PSMA2: variants seen among roughly 807,000 people sequenced by gnomAD.
PSMA2 encodes the protein proteasome subunit alpha type-2.
In PSMA2, 2 loss-of-function variants were observed where a neutral mutation model predicts 35.9. That is an observed-to-expected ratio of 0.06 (90% CI 0.02 to 0.18). The LOEUF is 0.18. Ranked by LOEUF, PSMA2 falls within the 10% of genes least tolerant of loss-of-function variation. The pLI is 1.00. For missense variants in PSMA2, 126 were observed against 278.8 expected, an observed-to-expected ratio of 0.45 and a Z score of 3.90; for synonymous variants, 97 against 98.2, an observed-to-expected ratio of 0.99 and a Z score of 0.07.
chr7:42,918,057 A>T, intron 6 of PSMA2: 1 of 284,552 alleles, frequency 3.5e-6, no homozygotes, highest in Non-Finnish European at 6.2e-6. Flanking sequence ...CCCTAAAATG[A>T]GTTTAGTTTA....
At chr7:42,922,066 G>A (rs972090284) in intron 5 of PSMA2, 135 bp from the exon 6 acceptor site, 16 of 673,950 alleles carry the variant, frequency 2.4e-5, no homozygotes, top group East Asian at 5.5e-5. Flanking sequence ...AATGGAAAAC[G>A]TCACAGAATA....
At chr7:42,921,611 C>T (rs1330721310) in intron 6 of PSMA2, 5 of 329,226 alleles carry the variant, frequency 1.5e-5, no homozygotes, top group Non-Finnish European at 2.2e-5. Flanking sequence ...GTAAAAAAAC[C>T]AAAAGCATTT....
chr7:42,923,659 G>A (rs375691591), intron 4 of PSMA2, among the ~76,000 whole-genome samples: 224 of 152,344 alleles, frequency 1.5e-3, no homozygotes, highest in African/African-American at 5.1e-3. Context: ...GGGTTAATAA[G>A]TGTGTAGTAA....
rs370136472 is a variant in PSMA2, at chr7:42,932,164, C to T, written c.-6G>A. ...CTGTACCCGCGCTCCGCCATCTTTA[C>T]CCGAAGAGCCAAAGCACAGCCGCAC... On this transcript the variant is annotated 5_prime_UTR_variant, in exon 1 of 8. Coordinates refer to ENST00000223321, the MANE Select transcript of PSMA2 (RefSeq NM_002787.5). 3.1e-6 allele frequency: 5 copies of T among 1,614,152 alleles called. No homozygotes were observed. The highest frequency in any genetic ancestry group is 3.4e-6 in the Non-Finnish European group (4 of 1,180,050).
In PSMA2 at chr7:42,927,519, A is replaced by T. The variant is rs927987746; in HGVS notation, c.42-60T>A. The T allele has an allele frequency of 6.0e-6, 9 of 1,496,856 alleles. No individual in the cohort carries two copies. In the African/African-American group the frequency reaches 1.2e-4, roughly 21 times the overall value. The allele number at this position is 1,496,856 out of a possible 1,614,324, so 92.7% of individuals were successfully genotyped here. A position where few individuals can be genotyped will look rare whatever the true frequency, so the allele number is the denominator to read the frequency against. On this transcript the variant is annotated intron_variant, in intron 1 of 7. Coordinates refer to ENST00000223321, the MANE Select transcript of PSMA2 (RefSeq NM_002787.5). ...ATCATCAAATATTTATTGTAAGAAC[A>T]TCTCTGAGATAGTACAGACATACAG...
chr7:42,917,459 T>TC lies in PSMA2; in HGVS notation c.*114dup, dbSNP rs1786049522. 5 of 759,896 alleles carry TC rather than the reference T, an allele frequency of 6.6e-6. No individual in the cohort carries two copies. The highest frequency in any genetic ancestry group is 6.5e-6 in the Non-Finnish European group (3 of 464,108). 47.1% of individuals were successfully genotyped at this position (759,896 alleles called of 1,614,324 possible). On this transcript the variant is annotated 3_prime_UTR_variant, in exon 8 of 8. Transcript: ENST00000223321. ...TTTATAAGTGTCATTTTAAAAACAG[T>TC]CGATTTAAACCATGTAGAAATAAGT...
intron 6 of PSMA2, 156 bp downstream of exon 6, chr7:42,921,702 T>A (rs1352456327): frequency 4.4e-6 from 2 of 459,496 alleles, no homozygotes; most frequent in Non-Finnish European, 7.7e-6. Flanking sequence ...TCTAGGAAAC[T>A]AGAAGGGAGA....
chr7:42,931,562 G>A (rs1786312728), intron 1 of PSMA2, among the ~76,000 whole-genome samples: 1 of 151,682 alleles, frequency 6.6e-6, no homozygotes, highest in Non-Finnish European at 1.5e-5. Context: ...AAAGTGATAG[G>A]GGCTTTCGGT....
chr7:42,931,040 G>C (rs1786299601), intron 1 of PSMA2: 1 of 320,406 alleles, frequency 3.1e-6, no homozygotes, highest in Non-Finnish European at 6.3e-6. Context: ...GTAATGGAAA[G>C]TGTATTTTTG....
intron 6 of PSMA2, chr7:42,918,452 CAT>C (rs1472794616): frequency 6.6e-6 from 1 of 152,236 alleles, no homozygotes; most frequent in Non-Finnish European, 1.5e-5. Context: ...TAAAACATAA[CAT>C]GTCACTTCCT....
chr7:42,930,957 A>T (rs1786298193), intron 1 of PSMA2: 1 of 268,158 alleles, frequency 3.7e-6, no homozygotes, highest in Admixed American at 5.2e-5. Flanking sequence ...TTACAAAAAA[A>T]CTATTACATA....
intron 4 of PSMA2, 44 bp from the exon 5 acceptor site, chr7:42,923,450 T>TA: frequency 1.4e-6 from 2 of 1,469,384 alleles, no homozygotes; most frequent in Non-Finnish European, 1.9e-6. Flanking sequence ...TTCATGGTGT[T>TA]AAAGTCATCC....
chr7:42,930,802 G>A (rs1786293157), intron 1 of PSMA2, among the ~76,000 whole-genome samples: 1 of 151,770 alleles, frequency 6.6e-6, no homozygotes, highest in African/African-American at 2.4e-5. Flanking sequence ...AGAGCTGGAG[G>A]CTGCCAAGTC....
intron 6 of PSMA2, chr7:42,920,845 T>C (rs141669391): frequency 5.3e-5 from 8 of 152,310 alleles, no homozygotes; most frequent in Non-Finnish European, 1.0e-4. Flanking sequence ...ATCCTGTCAT[T>C]TGCAGCAACA....
chr7:42,917,591 A>G lies in PSMA2; in HGVS notation c.688T>C (p.Leu230=). 2 of 1,612,226 alleles carry G rather than the reference A, an allele frequency of 1.2e-6. No homozygotes were observed. The highest frequency in any genetic ancestry group is 2.1e-4 in the Middle Eastern group (1 of 4,876). Residue 230 remains leucine (L), a synonymous_variant, in exon 8 of 8, where the codon TTG becomes CTG. Coordinates refer to ENST00000223321, the MANE Select transcript of PSMA2 (RefSeq NM_002787.5). ...RLTPTEVKDY[L]AAIA ...CTTCATTGTTATGCTATGGCAGCCAAGTAATCCTTAACTTCAGTTGGAGTA... is the reference window on the plus strand; with the variant it reads ...CTTCATTGTTATGCTATGGCAGCCAGGTAATCCTTAACTTCAGTTGGAGTA...
intron 1 of PSMA2, among the ~76,000 whole-genome samples, chr7:42,929,410 T>C (rs1259353775): frequency 2.0e-5 from 3 of 152,234 alleles, no homozygotes; most frequent in Non-Finnish European, 4.4e-5. Context: ...TAAAGGCTCA[T>C]GTAAACTTAA....
At chr7:42,921,349 C>G (rs540285646) in intron 6 of PSMA2, 2 of 152,416 alleles carry the variant, frequency 1.3e-5, no homozygotes, top group African/African-American at 4.8e-5. Flanking sequence ...GACTAGAATA[C>G]AGCTGGAAAT....
intron 5 of PSMA2, among the ~76,000 whole-genome samples, chr7:42,922,606 T>TG (rs1786142886): frequency 6.6e-6 from 1 of 152,174 alleles, no homozygotes; most frequent in Non-Finnish European, 1.5e-5. Flanking sequence ...GTAACAACAC[T>TG]ATCAAAGTTC....
At chr7:42,919,210 A>G in intron 6 of PSMA2, 1 of 608,834 alleles carries the variant, frequency 1.6e-6, no homozygotes, top group South Asian at 1.5e-5. Flanking sequence ...GATTGGAACA[A>G]TTTTGGGTCA....
Sources: allele counts gnomAD v4.1 joint callset (sites outside exome capture counted in the v4.1 genomes callset), GRCh38; gene constraint gnomAD v4.1.1; transcripts MANE v1.5; gene names NCBI Gene and HGNC (gene_info 2026-07-23, HGNC 2026-07-21).